The following WWOX variants were observed in gnomAD, a reference collection of about 807,000 sequenced individuals.
The protein encoded by WWOX is WW domain-containing oxidoreductase.
A neutral mutation model predicts 46.2 loss-of-function variants in WWOX; 69 were observed. The ratio of observed to expected loss-of-function variants is 1.49; its 90% CI spans 1.23 to 1.82. The LOEUF is 1.82. Ranked by LOEUF, WWOX falls within the 40% of genes most tolerant of loss-of-function variation. WWOX has a pLI of 0.00. For synonymous variants in WWOX, 359 were observed against 202.6 expected (o/e 1.77, Z -6.56); for missense variants, 919 against 542.6 (o/e 1.69, Z -6.89).
chr16:78,368,226 C>A (rs1038197561), intron 5 of WWOX, among the ~76,000 whole-genome samples: 2 of 152,182 alleles, frequency 1.3e-5, no homozygotes, highest in African/African-American at 2.4e-5. Flanking sequence ...TCTCAAAAGC[C>A]TTCAATTAAC....
rs181051981 is a variant in WWOX at position 79,182,289 on chromosome 16, C to T, written c.1057-29319C>T. On this transcript the variant is annotated intron_variant, in intron 8 of 8. Coordinates refer to ENST00000566780, the MANE Select transcript of WWOX (RefSeq NM_016373.4). ...GGGTATCCAGGATTCCTGGCCCTGC[C>T]CCATGATATACCAGCGCCATGTTGT... 3.9e-5 allele frequency among the ~76,000 whole-genome samples: 6 copies of T among 151,936 alleles called. No homozygotes were observed. In the East Asian group the frequency reaches 1.2e-3, roughly 30 times the overall value.
intron 8 of WWOX, among the ~76,000 whole-genome samples, chr16:78,768,146 A>G: frequency 8.3e-6 from 1 of 120,838 alleles, no homozygotes; most frequent in South Asian, 2.6e-4. Flanking sequence ...TCCCTTTTTT[A>G]GGCTGCGGGG....
intron 8 of WWOX, among the ~76,000 whole-genome samples, chr16:78,875,620 C>G (rs967117447): frequency 6.6e-6 from 1 of 152,132 alleles, no homozygotes; most frequent in African/African-American, 2.4e-5. Flanking sequence ...TCGTCAGAAT[C>G]CCGGTACATT....
intron 4 of WWOX, among the ~76,000 whole-genome samples, chr16:78,132,855 A>G (rs893340903): frequency 1.3e-5 from 2 of 152,196 alleles, no homozygotes; most frequent in Non-Finnish European, 2.9e-5. Flanking sequence ...TATAATTGCC[A>G]TAATTCTTAT....
intron 8 of WWOX, among the ~76,000 whole-genome samples, chr16:79,092,313 A>G (rs907583593): frequency 1.3e-5 from 2 of 152,220 alleles, no homozygotes; most frequent in East Asian, 1.9e-4. Context: ...TTTGGGAGCT[A>G]GGAATCAATC....
chr16:78,996,401 T>A, intron 8 of WWOX: 1 of 806,264 alleles, frequency 1.2e-6, no homozygotes, highest in Non-Finnish European at 1.4e-6. Context: ...CTTCCCCACC[T>A]GTAAAATGAT....
At chr16:79,054,425 A>C (rs537164312) in intron 8 of WWOX, among the ~76,000 whole-genome samples, 6 of 152,276 alleles carry the variant, frequency 3.9e-5, no homozygotes, top group East Asian at 1.9e-4. Context: ...CGTGATTTCC[A>C]TTTCAAGATG....
At chr16:78,908,552 A>AAC in intron 8 of WWOX, among the ~76,000 whole-genome samples, 1 of 151,476 alleles carries the variant, frequency 6.6e-6, no homozygotes, top group East Asian at 1.9e-4. Context: ...AAAAAAAAAA[A>AAC]AGAGTTTAAT....
chr16:78,696,520 C>G (rs1384750974), intron 8 of WWOX, among the ~76,000 whole-genome samples: 1 of 152,036 alleles, frequency 6.6e-6, no homozygotes, highest in Admixed American at 6.6e-5. Flanking sequence ...GATACTCTCT[C>G]ACAATGCTAG....
At chr16:79,038,558 A>T (rs1476897226) in intron 8 of WWOX, among the ~76,000 whole-genome samples, 3 of 151,858 alleles carry the variant, frequency 2.0e-5, no homozygotes, top group Non-Finnish European at 4.4e-5. Context: ...TTAACTTTTT[A>T]TTTTTTTTGA....
intron 5 of WWOX, among the ~76,000 whole-genome samples, chr16:78,242,002 G>A (rs1407549885): frequency 1.3e-5 from 2 of 152,202 alleles, no homozygotes; most frequent in Non-Finnish European, 2.9e-5. Context: ...ATTTGAGGCT[G>A]AGAAATGGAA....
At chr16:78,522,267 T>TC (rs2043364957) in intron 8 of WWOX, among the ~76,000 whole-genome samples, 3 of 151,646 alleles carry the variant, frequency 2.0e-5, no homozygotes, top group Admixed American at 1.3e-4. Context: ...AGGGTTAGGA[T>TC]TAAAAAAAAA....
chr16:78,277,261 C>A (rs138875426), intron 5 of WWOX, among the ~76,000 whole-genome samples: 2 of 152,102 alleles, frequency 1.3e-5, no homozygotes, highest in Non-Finnish European at 2.9e-5. Context: ...GTTGAATAGC[C>A]GTGTTTCCTC....
At chr16:78,266,564 A>C (rs1004785655) in intron 5 of WWOX, among the ~76,000 whole-genome samples, 2 of 152,172 alleles carry the variant, frequency 1.3e-5, no homozygotes, top group African/African-American at 4.8e-5. Context: ...CTCTGGAACT[A>C]GCCTGCTTGA....
chr16:78,355,026 G>A (rs147730462), intron 5 of WWOX, among the ~76,000 whole-genome samples: 10,799 of 152,042 alleles, frequency 0.071, 1,064 homozygotes, highest in African/African-American at 0.22. Context: ...CAGCTACTTG[G>A]GAGGCTGAGG....
At chr16:78,614,206 G>A (rs1047592967) in intron 8 of WWOX, among the ~76,000 whole-genome samples, 11 of 152,190 alleles carry the variant, frequency 7.2e-5, no homozygotes, top group Admixed American at 7.2e-4. Flanking sequence ...CCATCAAATG[G>A]TTATTGAAAG....
At chr16:78,113,700 A>G (rs2032620202) in intron 3 of WWOX, among the ~76,000 whole-genome samples, 1 of 152,208 alleles carries the variant, frequency 6.6e-6, no homozygotes, top group African/African-American at 2.4e-5. Context: ...CATGCTGCCA[A>G]GGTGAAGTGA....
At chr16:79,190,059 T>C (rs902884596) in intron 8 of WWOX, among the ~76,000 whole-genome samples, 6 of 151,960 alleles carry the variant, frequency 3.9e-5, no homozygotes, top group African/African-American at 1.5e-4. Context: ...TGAGACAGAG[T>C]CTCACTGAGT....
At chr16:78,789,504 C>T (rs906148591) in intron 8 of WWOX, among the ~76,000 whole-genome samples, 9 of 152,266 alleles carry the variant, frequency 5.9e-5, no homozygotes, top group Admixed American at 2.6e-4. Flanking sequence ...TCCCATTGAT[C>T]TGTATGCCTG....
Sources: allele counts gnomAD v4.1 joint callset (sites outside exome capture counted in the v4.1 genomes callset), GRCh38; gene constraint gnomAD v4.1.1; transcripts MANE v1.5; gene names NCBI Gene and HGNC (gene_info 2026-07-23, HGNC 2026-07-21).